Variants in RAB28 observed in about 807,000 individuals in gnomAD.
The protein encoded by RAB28 is RAB28, member RAS oncogene family.
Under a neutral mutation model 31.7 loss-of-function variants are expected in RAB28, and 24 were observed. That is an observed-to-expected ratio of 0.76 (90% confidence interval 0.55 to 1.06). The LOEUF (loss-of-function observed/expected upper bound fraction) is 1.06. Ranked by LOEUF, RAB28 falls within the 50% of genes least tolerant of loss-of-function variation. RAB28 has a pLI of 0.00. For synonymous variants in RAB28, 100 were observed against 90.4 expected, an observed-to-expected ratio of 1.11 and a Z score of -0.60; for missense variants, 254 against 258.5, an observed-to-expected ratio of 0.98 and a Z score of 0.12.
intron 6 of RAB28, among the ~76,000 whole-genome samples, chr4:13,375,772 C>G (rs1414923811): frequency 6.8e-6 from 1 of 148,090 alleles, no homozygotes; most frequent in African/African-American, 2.6e-5. Flanking sequence ...TTTTAAAACA[C>G]ACACACACAC....
chr4:13,479,770 C>G (rs1716526899), intron 1 of RAB28, among the ~76,000 whole-genome samples: 2 of 151,300 alleles, frequency 1.3e-5, no homozygotes, highest in South Asian at 4.2e-4. Flanking sequence ...CCCTGCTTGT[C>G]AAGATCCTTT....
chr4:13,374,909 C>T (rs1286068022), intron 6 of RAB28, among the ~76,000 whole-genome samples: 1 of 152,046 alleles, frequency 6.6e-6, no homozygotes, highest in Non-Finnish European at 1.5e-5. Context: ...TCATAAATCC[C>T]CAAAATCTGT....
In RAB28 at chr4:13,430,235, C is replaced by T. The variant is rs1463454461; in HGVS notation, c.391+30464G>A. ...GGAGCAGAAAACAGCTATCTAGGGA[C>T]ATCGGATGTCAGTTCTCCTCAGAGA... On this transcript the variant is annotated intron_variant, in intron 4 of 6. Coordinates refer to ENST00000330852, the MANE Select transcript of RAB28 (RefSeq NM_001017979.3). 2.6e-5 allele frequency among the ~76,000 whole-genome samples: 4 copies of T among 151,970 alleles called. No individual in the cohort carries two copies. The East Asian group carries it at 7.7e-4, about 29-fold the overall frequency.
At chr4:13,427,592 G>C (rs1216662065) in intron 4 of RAB28, among the ~76,000 whole-genome samples, 2 of 151,918 alleles carry the variant, frequency 1.3e-5, no homozygotes, top group Non-Finnish European at 2.9e-5. Flanking sequence ...GAGATCTACA[G>C]AGATAAAAGG....
chr4:13,415,435 T>C (rs1159252171), intron 4 of RAB28, among the ~76,000 whole-genome samples: 1 of 152,176 alleles, frequency 6.6e-6, no homozygotes, highest in African/African-American at 2.4e-5. Flanking sequence ...TGCGCGGTGC[T>C]TGCAGGCCAG....
At chr4:13,413,622 G>GA (rs1712574215) in intron 4 of RAB28, among the ~76,000 whole-genome samples, 1 of 151,928 alleles carries the variant, frequency 6.6e-6, no homozygotes. Flanking sequence ...TTTTAAGAGA[G>GA]AAAATGAATG....
intron 4 of RAB28, among the ~76,000 whole-genome samples, chr4:13,427,546 CA>C (rs1174713943): frequency 6.6e-6 from 1 of 152,146 alleles, no homozygotes; most frequent in African/African-American, 2.4e-5. Context: ...TTAGTGGAAA[CA>C]CATGGGATTG....
intron 4 of RAB28, among the ~76,000 whole-genome samples, chr4:13,413,038 G>C (rs528102838): frequency 1.3e-5 from 2 of 152,008 alleles, no homozygotes; most frequent in South Asian, 4.2e-4. Flanking sequence ...AAAAAATATA[G>C]AAGACAAGCA....
In RAB28 at chr4:13,483,710, T is replaced by C. The variant is rs542460367; in HGVS notation, c.75+366A>G. On this transcript the variant is annotated intron_variant, in intron 1 of 6. Coordinates refer to ENST00000330852, the MANE Select transcript of RAB28 (RefSeq NM_001017979.3). ...GATGCAGTAGAAGCATCAGAAACGG[T>C]AAAGGGGGTGGGAGGGGAGGAGTAA... Among the ~76,000 whole-genome samples the C allele has an allele frequency of 2.0e-5, 3 of 151,552 alleles. No individual in the cohort carries two copies. The East Asian group carries it at 5.9e-4, about 30-fold the overall frequency.
intron 4 of RAB28, among the ~76,000 whole-genome samples, chr4:13,408,136 T>C (rs1712209123): frequency 1.3e-5 from 2 of 152,336 alleles, no homozygotes; most frequent in Non-Finnish European, 2.9e-5. Context: ...CAGTATGATA[T>C]TGGCTGTGGG....
intron 4 of RAB28, among the ~76,000 whole-genome samples, chr4:13,419,624 A>C (rs1713002781): frequency 6.6e-6 from 1 of 152,232 alleles, no homozygotes; most frequent in South Asian, 2.1e-4. Context: ...ACTACATGAA[A>C]ACTGAACAAC....
chr4:13,433,260 T>G (rs73229687), intron 4 of RAB28, among the ~76,000 whole-genome samples: 2,096 of 150,542 alleles, frequency 0.014, 23 homozygotes, highest in Middle Eastern at 0.045. Flanking sequence ...GGCTAAGAAT[T>G]TATAAGTCCT....
intron 1 of RAB28, among the ~76,000 whole-genome samples, chr4:13,480,460 A>G (rs1348902118): frequency 6.6e-6 from 1 of 151,878 alleles, no homozygotes; most frequent in African/African-American, 2.4e-5. Context: ...TTTTTATTTT[A>G]AAAGTTAAAA....
At chr4:13,452,986 T>G (rs2108953250) in intron 4 of RAB28, among the ~76,000 whole-genome samples, 1 of 152,298 alleles carries the variant, frequency 6.6e-6, no homozygotes, top group South Asian at 2.1e-4. Flanking sequence ...AATTGTTATG[T>G]TCTCTTGCTG....
At chr4:13,464,228 A>G (rs1292142825) in intron 3 of RAB28, among the ~76,000 whole-genome samples, 1 of 152,072 alleles carries the variant, frequency 6.6e-6, no homozygotes, top group Non-Finnish European at 1.5e-5. Flanking sequence ...ATATCCCACC[A>G]GATTATCAGT....
At chr4:13,441,818 A>G (rs1272938095) in intron 4 of RAB28, among the ~76,000 whole-genome samples, 1 of 152,202 alleles carries the variant, frequency 6.6e-6, no homozygotes. Context: ...GAGCAGTGCA[A>G]CCACATAACA....
chr4:13,372,975 G>A (rs762640757), intron 6 of RAB28, among the ~76,000 whole-genome samples: 1 of 152,060 alleles, frequency 6.6e-6, no homozygotes, highest in East Asian at 1.9e-4. Context: ...AGACATGATA[G>A]AAATTTTTGG....
At chr4:13,443,371 G>T (rs1479148803) in intron 4 of RAB28, among the ~76,000 whole-genome samples, 1 of 150,278 alleles carries the variant, frequency 6.7e-6, no homozygotes, top group Non-Finnish European at 1.5e-5. Context: ...ACAGGATTTC[G>T]CCATGTTGGC....
Position 13,376,061 on chromosome 4 carries a change from C to T in RAB28, c.573+484G>A, listed in dbSNP as rs534176709. On this transcript the variant is annotated intron_variant, in intron 6 of 6. Transcript: ENST00000330852. ...TATAGTGGTACTTTAAATTTCTTGGCTGCCGCTATGCATGTTTTTTTCTTA... is the reference window on the plus strand; with the variant it reads ...TATAGTGGTACTTTAAATTTCTTGGTTGCCGCTATGCATGTTTTTTTCTTA... Among the ~76,000 whole-genome samples the T allele has an allele frequency of 2.6e-5, 4 of 152,154 alleles. No individual in the cohort carries two copies. In the South Asian group the frequency reaches 8.3e-4, roughly 32 times the overall value.
Sources: gnomAD v4.1 joint callset for allele counts (sites outside exome capture counted in the v4.1 genomes callset) on GRCh38, gnomAD v4.1.1 for gene constraint, MANE v1.5 for transcripts, NCBI Gene and HGNC (gene_info 2026-07-23, HGNC 2026-07-21) for gene names.